The following ODR4 variants were observed in gnomAD, a reference collection of about 807,000 sequenced individuals.
ODR4 encodes the protein odr-4 GPCR localization factor homolog, also known as protein odr-4 homolog.
Under a neutral mutation model 60.2 loss-of-function variants are expected in ODR4, and 47 were observed. The ratio of observed to expected loss-of-function variants is 0.78; its 90% CI spans 0.62 to 1.00. The LOEUF is 1.00. ODR4 is among the 50% of genes least tolerant of loss of function. ODR4 has a pLI of 0.00. For synonymous variants in ODR4, 178 were observed against 175.5 expected (o/e 1.01, Z -0.11); for missense variants, 488 against 530.8 (o/e 0.92, Z 0.79).
intron 2 of ODR4, 58 bp from the exon 3 acceptor site, chr1:186,382,964 C>G: frequency 6.6e-7 from 1 of 1,517,138 alleles, no homozygotes; most frequent in Non-Finnish European, 8.9e-7. Flanking sequence ...AGGTATCACT[C>G]TAATTAGATT....
At chr1:186,382,477 C>T (rs551903863) in intron 2 of ODR4, among the ~76,000 whole-genome samples, 1 of 151,746 alleles carries the variant, frequency 6.6e-6, no homozygotes, top group Non-Finnish European at 1.5e-5. Context: ...CAAAACAAAA[C>T]AAAAAACTTG....
At chr1:186,381,852 C>T (rs1195330497) in intron 2 of ODR4, among the ~76,000 whole-genome samples, 1 of 152,126 alleles carries the variant, frequency 6.6e-6, no homozygotes, top group Non-Finnish European at 1.5e-5. Flanking sequence ...GACCTACTTT[C>T]TTTTCCTGTG....
At chr1:186,428,248 T>A in the ODR4 span, among the ~76,000 whole-genome samples, 4 of 152,236 alleles carry the variant, frequency 2.6e-5, no homozygotes, top group South Asian at 8.3e-4. Context: ...ATTGGTTATC[T>A]TACATAGATC....
chr1:186,390,958 C>A, intron 7 of ODR4, 107 bp downstream of exon 7: 1 of 1,188,688 alleles, frequency 8.4e-7, no homozygotes, highest in Non-Finnish European at 1.2e-6. Flanking sequence ...TTACATTCTG[C>A]TTACAATGTT....
At chr1:186,403,072 C>A (rs915173501) in intron 11 of ODR4, among the ~76,000 whole-genome samples, 17 of 151,982 alleles carry the variant, frequency 1.1e-4, no homozygotes, top group African/African-American at 3.9e-4. Context: ...GCCTTAACTT[C>A]AATTTTTGGG....
intron 13 of ODR4, among the ~76,000 whole-genome samples, chr1:186,418,410 C>G (rs1325877270): frequency 6.6e-6 from 1 of 151,764 alleles, no homozygotes; most frequent in African/African-American, 2.4e-5. Context: ...CCTGCCTCAG[C>G]CTCCCGAGTA....
chr1:186,417,562 T>A lies in ODR4; in HGVS notation c.1205T>A (p.Met402Lys). ...CTTTCAGCTTGTATGAGTTCTTCTA[T>A]GAATAGTCAAGCTTCATTGGACAAC... The part of the protein sequence containing the change: ...ETNTACMSSS[M>K]NSQASLDNTD... Residue 402 changes from methionine (M) to lysine (K), a missense_variant, in exon 13 of 14, where the codon ATG becomes AAG. Transcript: ENST00000287859. The A allele has an allele frequency of 6.3e-7, 1 of 1,589,084 alleles. No homozygotes were observed. The highest frequency in any genetic ancestry group is 8.6e-7 in the Non-Finnish European group (1 of 1,163,724).
rs1410995457 is a variant in ODR4 at position 186,419,413 on chromosome 1, A to G, written c.*337A>G. ...ATCTGAATCACATATTAATCAGGAC[A>G]TTAAAAACTTTAACAGAGGCATGAT... On this transcript the variant is annotated 3_prime_UTR_variant, in exon 14 of 14. Coordinates refer to ENST00000287859, the MANE Select transcript of ODR4 (RefSeq NM_017847.6). The G allele has an allele frequency of 3.8e-6, 1 of 262,640 alleles. No individual in the cohort carries two copies. Among genetic ancestry groups the G allele is most frequent in the Non-Finnish European group, 7.4e-6 (1 of 135,150 alleles). 16.3% of individuals were successfully genotyped at this position (262,640 alleles called of 1,614,324 possible).
intron 1 of ODR4, among the ~76,000 whole-genome samples, chr1:186,378,254 C>T (rs1359938894): frequency 6.6e-6 from 1 of 152,120 alleles, no homozygotes; most frequent in African/African-American, 2.4e-5. Context: ...CTCTGGTAGC[C>T]TTAACTTTGT....
At chr1:186,390,676 C>T (rs1222293449) in intron 6 of ODR4, 35 bp from the exon 7 acceptor site, 1 of 1,606,122 alleles carries the variant, frequency 6.2e-7, no homozygotes, top group Non-Finnish European at 8.5e-7. Flanking sequence ...ATCTAGACTA[C>T]ATCATAGTTA....
the ODR4 span, among the ~76,000 whole-genome samples, chr1:186,429,928 G>C: frequency 5.3e-5 from 8 of 152,072 alleles, no homozygotes; most frequent in African/African-American, 1.9e-4. Context: ...TTATTAAAAG[G>C]TAAATTAATA....
At chr1:186,424,926 C>T (rs1194758297), downstream of ODR4, among the ~76,000 whole-genome samples, 2 of 151,020 alleles carry the variant, frequency 1.3e-5, no homozygotes, top group African/African-American at 4.9e-5. Flanking sequence ...TTATTTTCAC[C>T]ACATTGTATT....
At chr1:186,386,115 A>G in intron 4 of ODR4, 32 bp downstream of exon 4, 1 of 1,253,876 alleles carries the variant, frequency 8.0e-7, no homozygotes, top group South Asian at 1.3e-5. Flanking sequence ...TTCTTAATGA[A>G]ATCAGTTATA....
At chr1:186,411,426 GTT>G (rs1226929401) in intron 12 of ODR4, among the ~76,000 whole-genome samples, 3 of 152,164 alleles carry the variant, frequency 2.0e-5, no homozygotes, top group Non-Finnish European at 2.9e-5. Context: ...TTTGAATGAT[GTT>G]TGCTTTTGCA....
Position 186,393,347 on chromosome 1 carries a change from T to C in ODR4, c.712-600T>C, listed in dbSNP as rs148924299. 5.9e-5 allele frequency among the ~76,000 whole-genome samples: 9 copies of C among 152,332 alleles called. No individual in the cohort carries two copies. The East Asian group carries it at 1.7e-3, about 29-fold the overall frequency. ...GGAATCCTGAAACTTTACAGGAGTG[T>C]CATCTGAATTTCATCTGATTTCCAA... On this transcript the variant is annotated intron_variant, in intron 8 of 13. Coordinates refer to ENST00000287859, the MANE Select transcript of ODR4 (RefSeq NM_017847.6).
chr1:186,395,892 G>T (rs1025056445), intron 9 of ODR4, among the ~76,000 whole-genome samples: 2 of 152,068 alleles, frequency 1.3e-5, no homozygotes, highest in African/African-American at 4.8e-5. Flanking sequence ...TAAGTGTTCT[G>T]TACTGACTAG....
At chr1:186,426,166 T>C (rs1434633985), downstream of ODR4, among the ~76,000 whole-genome samples, 1 of 152,206 alleles carries the variant, frequency 6.6e-6, no homozygotes, top group African/African-American at 2.4e-5. Context: ...ATTCCAAAGT[T>C]GAGGCTACGT....
chr1:186,433,755 A>G, the ODR4 span, among the ~76,000 whole-genome samples: 1 of 151,690 alleles, frequency 6.6e-6, no homozygotes, highest in African/African-American at 2.4e-5. Context: ...TAATTTTTGT[A>G]TTTTCAGTAG....
intron 2 of ODR4, among the ~76,000 whole-genome samples, chr1:186,381,138 TAA>T (rs1660002492): frequency 6.6e-6 from 1 of 152,196 alleles, no homozygotes; most frequent in Non-Finnish European, 1.5e-5. Flanking sequence ...GTTTTCTATT[TAA>T]GTTTTTTTCT....
Sources: allele counts gnomAD v4.1 joint callset (sites outside exome capture counted in the v4.1 genomes callset), GRCh38; gene constraint gnomAD v4.1.1; transcripts MANE v1.5; gene names NCBI Gene and HGNC (gene_info 2026-07-23, HGNC 2026-07-21).